Variants in NIPBL observed in about 807,000 individuals in gnomAD.
The protein encoded by NIPBL is NIPBL cohesin loading factor, also known as nipped-B-like protein.
In NIPBL, 19 loss-of-function variants were observed where a neutral mutation model predicts 321.8. That is an observed-to-expected ratio of 0.06 (90% CI 0.04 to 0.09). The LOEUF (loss-of-function observed/expected upper bound fraction) is 0.09, where lower values mean the gene tolerates loss of function less well. Ranked by LOEUF, NIPBL falls within the 10% of genes least tolerant of loss-of-function variation. NIPBL has a pLI of 1.00. For synonymous variants in NIPBL, 1,106 were observed against 1,114.1 expected, an observed-to-expected ratio of 0.99 and a Z score of 0.14; for missense variants, 2,210 against 3,327.0, an observed-to-expected ratio of 0.66 and a Z score of 8.26.
In NIPBL at chr5:36,965,611, G is replaced by A. The variant is rs185829758; in HGVS notation, c.610+3337G>A. On this transcript the variant is annotated intron_variant, in intron 6 of 46. Transcript: ENST00000282516. ...CACACAGTGTTTAATAGCTCAGTAG[G>A]GTGACTGTAGTTGACAGCAATCTAT... is the stretch of plus-strand genomic sequence containing the variant. 2.4e-3 allele frequency among the ~76,000 whole-genome samples: 370 copies of A among 152,132 alleles called. 1 individual carries two copies. Among genetic ancestry groups the A allele is most frequent in the Non-Finnish European group, 3.9e-3 (268 of 67,958 alleles).
At chr5:36,901,652 G>T (rs1329573100) in intron 1 of NIPBL, among the ~76,000 whole-genome samples, 1 of 151,944 alleles carries the variant, frequency 6.6e-6, no homozygotes, top group Non-Finnish European at 1.5e-5. Context: ...GGGGATTACA[G>T]GCGTGCACCA....
chr5:37,061,236 G>T (rs1754632245), intron 45 of NIPBL, among the ~76,000 whole-genome samples: 1 of 152,142 alleles, frequency 6.6e-6, no homozygotes, highest in South Asian at 2.1e-4. Context: ...GGAAACAGCA[G>T]CCCACGAATA....
intron 10 of NIPBL, among the ~76,000 whole-genome samples, chr5:36,990,108 A>G (rs1745325358): frequency 6.6e-6 from 1 of 152,170 alleles, no homozygotes; most frequent in Non-Finnish European, 1.5e-5. Context: ...GTTATTTGAC[A>G]TCATCCTTTA....
In NIPBL at chr5:36,986,141, A is replaced by G; in HGVS notation, c.2961A>G (p.Glu987=). The G allele has an allele frequency of 6.2e-7, 1 of 1,613,942 alleles. No homozygotes were observed. The highest frequency in any genetic ancestry group is 2.2e-5 in the East Asian group (1 of 44,864). The change falls in exon 10 of 47, where the codon GAA becomes GAG. Residue 987 remains glutamate (E), a synonymous_variant. Transcript: ENST00000282516. ...AAGGAGAGCCGAAAGACAAAGTAGA[A>G]AAAATAGGATTAGTTGAAGATCTAA... ...EMKGEPKDKV[E]KIGLVEDLNK... is the part of the protein sequence containing the mutation.
At position 36,919,237 on chromosome 5, in the gene NIPBL, C is replaced by G. The variant is rs368597177; in HGVS notation, c.-79-34381C>G. On this transcript the variant is annotated intron_variant, in intron 1 of 46. Transcript: ENST00000282516. ...AAAATTAGTTTAATAAAAGAGAGGGCATTTTACTACCAAAAGGTAAAGTAG... is the reference window on the plus strand; with the variant it reads ...AAAATTAGTTTAATAAAAGAGAGGGGATTTTACTACCAAAAGGTAAAGTAG... 7.2e-5 allele frequency among the ~76,000 whole-genome samples: 11 copies of G among 152,190 alleles called. No individual in the cohort carries two copies. In the South Asian group the frequency reaches 1.2e-3, roughly 17 times the overall value.
chr5:37,064,338 A>C (rs1755155938), intron 46 of NIPBL, 189 bp from the exon 47 acceptor site: 2 of 1,446,464 alleles, frequency 1.4e-6, no homozygotes, highest in African/African-American at 1.4e-5. Flanking sequence ...ATTAAGAGTT[A>C]TATGGTTTTA....
At chr5:37,012,599 C>T (rs1748288991) in intron 21 of NIPBL, among the ~76,000 whole-genome samples, 1 of 152,014 alleles carries the variant, frequency 6.6e-6, no homozygotes, top group Admixed American at 6.6e-5. Context: ...AGGCAGAGGA[C>T]CCTGCGGCCT....
intron 1 of NIPBL, among the ~76,000 whole-genome samples, chr5:36,937,480 G>A (rs1738568105): frequency 6.6e-6 from 1 of 151,762 alleles, no homozygotes; most frequent in Admixed American, 6.6e-5. Flanking sequence ...CTGTGTGCAT[G>A]GATTGCATGA....
chr5:36,987,842 T>G (rs1346211573), intron 10 of NIPBL, among the ~76,000 whole-genome samples: 3 of 152,198 alleles, frequency 2.0e-5, no homozygotes, highest in Admixed American at 6.5e-5. Context: ...AGTTACTTGT[T>G]AATATAAAAG....
At chr5:36,979,857 C>A (rs1240612555) in intron 9 of NIPBL, among the ~76,000 whole-genome samples, 4 of 151,720 alleles carry the variant, frequency 2.6e-5, no homozygotes, top group Non-Finnish European at 5.9e-5. Flanking sequence ...AGGAAACATA[C>A]AATATCACAA....
chr5:36,920,059 A>T (rs1748808715), intron 1 of NIPBL, among the ~76,000 whole-genome samples: 1 of 152,202 alleles, frequency 6.6e-6, no homozygotes, highest in South Asian at 2.1e-4. Flanking sequence ...CTCATTTTTG[A>T]AGCTATTACA....
chr5:36,946,887 T>C (rs1739746117), intron 1 of NIPBL, among the ~76,000 whole-genome samples: 1 of 152,092 alleles, frequency 6.6e-6, no homozygotes, highest in Admixed American at 6.6e-5. Context: ...CTTTTTTCCA[T>C]AGCAGTGTAG....
intron 10 of NIPBL, among the ~76,000 whole-genome samples, chr5:36,989,588 A>G (rs930620280): frequency 6.6e-6 from 1 of 152,166 alleles, no homozygotes; most frequent in African/African-American, 2.4e-5. Context: ...ATAATCTCCC[A>G]GCATTTTGGG....
intron 9 of NIPBL, among the ~76,000 whole-genome samples, chr5:36,979,092 A>C (rs560490269): frequency 4.6e-5 from 7 of 151,956 alleles, no homozygotes; most frequent in African/African-American, 1.7e-4. Context: ...GTTTTATATA[A>C]ATTTTAGGAT....
In NIPBL at chr5:36,886,488, GA is replaced by G. The variant is rs150233698; in HGVS notation, c.-80+9311del. On this transcript the variant is annotated intron_variant, in intron 1 of 46. Coordinates refer to ENST00000282516, the MANE Select transcript of NIPBL (RefSeq NM_133433.4). The stretch of plus-strand genomic sequence containing the variant: ...CTGAGACCAGTGACACCAAAGTTCT[GA>G]GACATTAAGTCAGCAGAAGCAGGGT... 2.9e-4 allele frequency: 223 copies of G among 760,122 alleles called. No homozygotes were observed. The African/African-American group carries it at 3.4e-3, about 12-fold the overall frequency. The allele number at this position is 760,122 out of a possible 1,614,324, so 47.1% of individuals were successfully genotyped here.
chr5:37,063,227 A>G (rs1274962784), intron 45 of NIPBL, among the ~76,000 whole-genome samples: 2 of 152,204 alleles, frequency 1.3e-5, no homozygotes, highest in Admixed American at 6.5e-5. Flanking sequence ...AGCTGAACAT[A>G]AAATAAGGTT....
intron 11 of NIPBL, 108 bp downstream of exon 11, chr5:36,995,912 C>A: frequency 1.1e-6 from 1 of 924,116 alleles, no homozygotes; most frequent in Non-Finnish European, 1.7e-6. Context: ...CACCTTAATT[C>A]TTAATAACAC....
intron 8 of NIPBL, among the ~76,000 whole-genome samples, chr5:36,973,847 C>A (rs1743161144): frequency 1.3e-5 from 2 of 152,230 alleles, no homozygotes; most frequent in Non-Finnish European, 2.9e-5. Flanking sequence ...TACCCTCCAA[C>A]AGGCCCTGGT....
At chr5:36,887,387 A>G (rs1239893353) in intron 1 of NIPBL, among the ~76,000 whole-genome samples, 1 of 152,246 alleles carries the variant, frequency 6.6e-6, no homozygotes, top group Admixed American at 6.5e-5. Context: ...AGCATAGATT[A>G]TAGTGAATAA....
Sources: allele counts gnomAD v4.1 joint callset (sites outside exome capture counted in the v4.1 genomes callset), GRCh38; gene constraint gnomAD v4.1.1; transcripts MANE v1.5; gene names NCBI Gene and HGNC (gene_info 2026-07-23, HGNC 2026-07-21).